The following CHST11 variants were observed in gnomAD, a reference collection of about 807,000 sequenced individuals.
CHST11 encodes carbohydrate sulfotransferase 11.
In CHST11, 9 loss-of-function variants were observed where a neutral mutation model predicts 30.4. That is an observed-to-expected ratio of 0.30 (90% confidence interval 0.18 to 0.52). CHST11 has a LOEUF of 0.52. Among genes scored for constraint, CHST11 ranks in the 20% least tolerant of loss-of-function variants. CHST11 has a pLI of 0.97. For missense variants in CHST11, 348 were observed against 460.6 expected, an observed-to-expected ratio of 0.76 and a Z score of 2.24; for synonymous variants, 152 against 187.8, an observed-to-expected ratio of 0.81 and a Z score of 1.56.
chr12:104,691,119 G>A (rs961559578), intron 2 of CHST11, among the ~76,000 whole-genome samples: 13 of 152,162 alleles, frequency 8.5e-5, no homozygotes, highest in African/African-American at 1.4e-4. Flanking sequence ...TCCTGTCCTC[G>A]AAGAACAGAT....
At chr12:104,532,082 C>G (rs1565977073) in intron 1 of CHST11, among the ~76,000 whole-genome samples, 1 of 152,204 alleles carries the variant, frequency 6.6e-6, no homozygotes, top group East Asian at 1.9e-4. Context: ...TTGGTCTCAT[C>G]TCTGTCTATC....
intron 2 of CHST11, among the ~76,000 whole-genome samples, chr12:104,689,362 T>C (rs1231548753): frequency 6.6e-6 from 1 of 152,232 alleles, no homozygotes; most frequent in Non-Finnish European, 1.5e-5. Flanking sequence ...GCCCAATGGC[T>C]GTTCTATCCC....
intron 2 of CHST11, among the ~76,000 whole-genome samples, chr12:104,679,349 A>G (rs2039771930): frequency 6.6e-6 from 1 of 151,550 alleles, no homozygotes; most frequent in Non-Finnish European, 1.5e-5. Context: ...GACCGAGGGC[A>G]TATACGTTTG....
chr12:104,734,761 G>A (rs531216010), intron 2 of CHST11, among the ~76,000 whole-genome samples: 11 of 152,182 alleles, frequency 7.2e-5, no homozygotes, highest in African/African-American at 9.7e-5. Context: ...GAGAACTGGC[G>A]CTCTGCCTCC....
intron 2 of CHST11, among the ~76,000 whole-genome samples, chr12:104,677,482 C>T (rs2039753410): frequency 1.3e-5 from 2 of 152,168 alleles, no homozygotes; most frequent in South Asian, 4.1e-4. Flanking sequence ...TTTGTGACAG[C>T]ATTTATATTA....
intron 1 of CHST11, among the ~76,000 whole-genome samples, chr12:104,491,157 C>T (rs371083571): frequency 2.8e-4 from 42 of 152,282 alleles, no homozygotes; most frequent in Admixed American, 2.0e-3. Flanking sequence ...CAAGTATCCT[C>T]TCACTGTGTA....
intron 2 of CHST11, among the ~76,000 whole-genome samples, chr12:104,707,710 C>T (rs1000635103): frequency 6.6e-6 from 1 of 152,200 alleles, no homozygotes; most frequent in African/African-American, 2.4e-5. Flanking sequence ...TCCTAAATCT[C>T]CACTGACATA....
intron 2 of CHST11, among the ~76,000 whole-genome samples, chr12:104,712,769 C>T (rs1592853159): frequency 6.6e-6 from 1 of 152,132 alleles, no homozygotes; most frequent in Non-Finnish European, 1.5e-5. Context: ...TCTACAACAC[C>T]ATAAATGCCC....
chr12:104,678,210 GA>G (rs2039760908), intron 2 of CHST11, among the ~76,000 whole-genome samples: 1 of 152,154 alleles, frequency 6.6e-6, no homozygotes, highest in African/African-American at 2.4e-5. Context: ...GCCCAATGGA[GA>G]AAGAAAAATG....
chr12:104,468,854 G>A (rs990681047), intron 1 of CHST11, among the ~76,000 whole-genome samples: 3 of 152,248 alleles, frequency 2.0e-5, no homozygotes, highest in Admixed American at 6.5e-5. Flanking sequence ...TATGGGTGGC[G>A]GTGGTAAAGA....
intron 2 of CHST11, among the ~76,000 whole-genome samples, chr12:104,740,851 A>T (rs1249844480): frequency 6.6e-6 from 1 of 152,212 alleles, no homozygotes; most frequent in African/African-American, 2.4e-5. Context: ...TGACTTCCTC[A>T]GTGAACAGCA....
intron 1 of CHST11, among the ~76,000 whole-genome samples, chr12:104,590,835 T>G (rs1436721102): frequency 6.6e-6 from 1 of 151,762 alleles, no homozygotes. Context: ...GGCACAAGAA[T>G]TGCTCGAACA....
intron 1 of CHST11, among the ~76,000 whole-genome samples, chr12:104,469,195 T>G (rs1166891228): frequency 6.6e-6 from 1 of 152,190 alleles, no homozygotes; most frequent in Non-Finnish European, 1.5e-5. Flanking sequence ...AGTGTGAGGC[T>G]CCTGTGAATA....
At chr12:104,652,322 A>AT (rs2039497828) in intron 2 of CHST11, among the ~76,000 whole-genome samples, 1 of 152,220 alleles carries the variant, frequency 6.6e-6, no homozygotes, top group Admixed American at 6.5e-5. Context: ...TGATCTAATT[A>AT]CACAAAGGAA....
rs2040336447 is a variant in CHST11, at chr12:104,740,308, T to A, written c.205-16641T>A. ...TACATGTGTTGTCAAAATACTCCTC[T>A]GAGGTTGATGGAAGGTAGCAAAGAT... On this transcript the variant is annotated intron_variant, in intron 2 of 2. Coordinates refer to ENST00000303694, the MANE Select transcript of CHST11 (RefSeq NM_018413.6). Among the ~76,000 whole-genome samples, 6 of 152,316 alleles carry A rather than the reference T, an allele frequency of 3.9e-5. No homozygotes were observed. In the South Asian group the frequency reaches 1.2e-3, roughly 32 times the overall value.
intron 2 of CHST11, among the ~76,000 whole-genome samples, chr12:104,621,481 A>C (rs1177010191): frequency 6.6e-6 from 1 of 152,250 alleles, no homozygotes; most frequent in East Asian, 1.9e-4. Flanking sequence ...GGGACTTTGC[A>C]AAGGCAGTTT....
intron 1 of CHST11, among the ~76,000 whole-genome samples, chr12:104,524,067 T>C (rs2038100575): frequency 6.7e-6 from 1 of 149,296 alleles, no homozygotes; most frequent in Non-Finnish European, 1.5e-5. Flanking sequence ...TGCCTCTCAA[T>C]TGGAGTCATA....
chr12:104,689,142 G>A (rs2039874475), intron 2 of CHST11, among the ~76,000 whole-genome samples: 1 of 152,204 alleles, frequency 6.6e-6, no homozygotes, highest in South Asian at 2.1e-4. Flanking sequence ...TCATTCTTTT[G>A]TGACTTTCTC....
intron 1 of CHST11, among the ~76,000 whole-genome samples, chr12:104,598,730 C>T (rs550750011): frequency 6.6e-6 from 1 of 152,226 alleles, no homozygotes; most frequent in Non-Finnish European, 1.5e-5. Flanking sequence ...TCTTGACTCT[C>T]CTTCTCATCC....
Sources: allele counts gnomAD v4.1 joint callset (sites outside exome capture counted in the v4.1 genomes callset), GRCh38; gene constraint gnomAD v4.1.1; transcripts MANE v1.5; gene names NCBI Gene and HGNC (gene_info 2026-07-23, HGNC 2026-07-21).